CLTC: variants seen among roughly 807,000 people sequenced by gnomAD.
CLTC encodes the protein clathrin heavy chain 1.
A neutral mutation model predicts 195.8 loss-of-function variants in CLTC; 16 were observed. That is an observed-to-expected ratio of 0.08 (90% CI 0.06 to 0.12). The LOEUF is 0.12. Among genes scored for constraint, CLTC ranks in the 10% least tolerant of loss-of-function variants. CLTC has a pLI of 1.00. For synonymous variants in CLTC, 667 were observed against 689.4 expected, an observed-to-expected ratio of 0.97 and a Z score of 0.51; for missense variants, 796 against 2,027.0, an observed-to-expected ratio of 0.39 and a Z score of 11.66.
At position 59,644,344 on chromosome 17, in the gene CLTC, C is replaced by T. The variant is rs1567940251; in HGVS notation, c.111C>T (p.Phe37=). Residue 37 remains phenylalanine (F), a synonymous_variant, in exon 2 of 32, where the codon TTC becomes TTT. Coordinates refer to ENST00000269122, the MANE Select transcript of CLTC (RefSeq NM_004859.4). ...FSTLTMESDK[F]ICIREKVGEQ... is the part of the protein sequence containing the mutation. ...CCCTGACTATGGAGTCTGACAAATT[C>T]ATCTGCATTAGAGAAAAAGTAGGAG... The T allele has an allele frequency of 6.2e-7, 1 of 1,614,034 alleles. No homozygotes were observed. Among genetic ancestry groups the T allele is most frequent in the East Asian group, 2.2e-5 (1 of 44,876 alleles).
chr17:59,642,702 A>G (rs552652919), intron 1 of CLTC, among the ~76,000 whole-genome samples: 1 of 152,358 alleles, frequency 6.6e-6, no homozygotes, highest in African/African-American at 2.4e-5. Flanking sequence ...GCCTTGCATT[A>G]CAGCATATAC....
At chr17:59,673,596 G>C in intron 14 of CLTC, 51 bp from the exon 15 acceptor site, 1 of 1,428,674 alleles carries the variant, frequency 7.0e-7, no homozygotes. Flanking sequence ...ACACAGATTT[G>C]ATACCTCATA....
Position 59,685,498 on chromosome 17 carries a change from T to C in CLTC, c.4606-89T>C. ...TTTTTTCCCCTTGCAAAACCAGATT[T>C]ATATTGGAAAGTTTCCATTGTTTTT... is the stretch of plus-strand genomic sequence containing the variant. On this transcript the variant is annotated intron_variant, in intron 29 of 31. Coordinates refer to ENST00000269122, the MANE Select transcript of CLTC (RefSeq NM_004859.4). This position sits in a 1 kb window ranked among gnomAD's most constrained non-coding sequence, Gnocchi z 5.0. 1.7e-6 allele frequency: 2 copies of C among 1,203,744 alleles called. No individual in the cohort carries two copies. The highest frequency in any genetic ancestry group is 2.3e-6 in the Non-Finnish European group (2 of 853,412). 74.6% of individuals were successfully genotyped at this position (1,203,744 alleles called of 1,614,324 possible).
At chr17:59,663,172 T>G (rs987467877) in intron 8 of CLTC, among the ~76,000 whole-genome samples, 2 of 152,182 alleles carry the variant, frequency 1.3e-5, no homozygotes, top group African/African-American at 2.4e-5. Flanking sequence ...AAGTAGAAAA[T>G]CTACTATAGT....
intron 5 of CLTC, among the ~76,000 whole-genome samples, chr17:59,655,606 C>T (rs191024534): frequency 1.0e-3 from 152 of 152,296 alleles, no homozygotes; most frequent in African/African-American, 2.6e-3. Context: ...CCCTGTAATA[C>T]GTAAACTGTG....
intron 4 of CLTC, among the ~76,000 whole-genome samples, chr17:59,649,550 C>T (rs2032277710): frequency 6.6e-6 from 1 of 152,188 alleles, no homozygotes; most frequent in South Asian, 2.1e-4. Flanking sequence ...CTCTTGTTGT[C>T]CCATCAGGAA....
chr17:59,653,778 CT>C (rs562385929), intron 5 of CLTC, among the ~76,000 whole-genome samples: 401 of 142,504 alleles, frequency 2.8e-3, no homozygotes, highest in Middle Eastern at 3.6e-3. Context: ...CCTGGCTGGT[CT>C]TTTTTTTTTT....
intron 1 of CLTC, among the ~76,000 whole-genome samples, chr17:59,637,222 C>T (rs1439299026): frequency 1.3e-5 from 2 of 151,986 alleles, no homozygotes; most frequent in Non-Finnish European, 2.9e-5. Context: ...AAAGCTCATA[C>T]TGCTTTCAGT....
intron 8 of CLTC, among the ~76,000 whole-genome samples, chr17:59,662,739 A>G (rs2032638573): frequency 6.6e-6 from 1 of 152,236 alleles, no homozygotes; most frequent in African/African-American, 2.4e-5. Context: ...CTGATGAAGA[A>G]TAGCCACACT....
intron 2 of CLTC, 154 bp downstream of exon 2, chr17:59,644,637 A>C: frequency 3.2e-6 from 2 of 627,618 alleles, no homozygotes; most frequent in Non-Finnish European, 5.4e-6. Context: ...TGCAATCTCC[A>C]CCCCCCAGGT....
chr17:59,683,955 C>T lies in CLTC; in HGVS notation c.4404C>T (p.Asn1468=). 6.2e-7 allele frequency: 1 copy of T among 1,608,296 alleles called. No homozygotes were observed. Among genetic ancestry groups the T allele is most frequent in the Non-Finnish European group, 8.5e-7 (1 of 1,174,824 alleles). ...HNNKSVNESL[N]NLFITEEDYQ... is the part of the protein sequence containing the mutation. ...ACAAATCTGTGAATGAATCATTGAACAATCTTTTTATTACAGAAGAAGATT... is the reference window on the plus strand; with the variant it reads ...ACAAATCTGTGAATGAATCATTGAATAATCTTTTTATTACAGAAGAAGATT... The change falls in exon 28 of 32, where the codon AAC becomes AAT. Residue 1468 remains asparagine (N), a synonymous_variant. Coordinates refer to ENST00000269122, the MANE Select transcript of CLTC (RefSeq NM_004859.4). The surrounding 1 kb of genome is among the most constrained non-coding windows in gnomAD (Gnocchi z 6.1).
Position 59,696,618 on chromosome 17 carries a change from G to GTAAT in CLTC, c.*2769_*2772dup, listed in dbSNP as rs1259902041. ...TATTCTGGGTAACTGGTATAACATA[G>GTAAT]TAATTATTAGGATTGTATCAAGTGT... On this transcript the variant is annotated 3_prime_UTR_variant, in exon 32 of 32. Coordinates refer to ENST00000269122, the MANE Select transcript of CLTC (RefSeq NM_004859.4). 1 of 212,258 alleles carries GTAAT rather than the reference G, an allele frequency of 4.7e-6. No individual in the cohort carries two copies. Among genetic ancestry groups the GTAAT allele is most frequent in the African/African-American group, 2.3e-5 (1 of 44,096 alleles). 13.1% of individuals were successfully genotyped at this position (212,258 alleles called of 1,614,324 possible). A position where few individuals can be genotyped will look rare whatever the true frequency, so the allele number is the denominator to read the frequency against.
intron 1 of CLTC, among the ~76,000 whole-genome samples, chr17:59,635,249 T>C (rs574938197): frequency 6.6e-6 from 1 of 152,330 alleles, no homozygotes; most frequent in African/African-American, 2.4e-5. Context: ...ATCTGGAAAA[T>C]GTGAAGCCAA....
chr17:59,686,385 C>T (rs1322255012), intron 30 of CLTC, among the ~76,000 whole-genome samples: 3 of 152,092 alleles, frequency 2.0e-5, no homozygotes, highest in East Asian at 1.9e-4. Flanking sequence ...AATTTACTCA[C>T]CCTATCTTCA....
intron 1 of CLTC, among the ~76,000 whole-genome samples, chr17:59,620,643 G>A (rs1401599527): frequency 1.3e-5 from 2 of 150,066 alleles, no homozygotes; most frequent in African/African-American, 2.4e-5. Flanking sequence ...GGTTGGGGAG[G>A]AGCAACCTTT....
chr17:59,635,535 T>G (rs1042405628), intron 1 of CLTC, among the ~76,000 whole-genome samples: 4 of 152,190 alleles, frequency 2.6e-5, no homozygotes, highest in African/African-American at 9.7e-5. Context: ...ACAGATAGAT[T>G]ATGAATGATT....
rs752628740 is a variant in CLTC at position 59,682,261 on chromosome 17, C to T, written c.3443-10C>T. 4.4e-6 allele frequency: 7 copies of T among 1,603,512 alleles called. No homozygotes were observed. In the Admixed American group the frequency reaches 5.3e-5, roughly 12 times the overall value. ...GTGTTTGGATATATTTTTTCTTTTT[C>T]TATACTTAGGAAACTGGGAAGAACT... On this transcript the variant is annotated splice_polypyrimidine_tract_variant and intron_variant, in intron 21 of 31. Transcript: ENST00000269122. The surrounding 1 kb of genome is among the most constrained non-coding windows in gnomAD (Gnocchi z 6.8).
At position 59,681,565 on chromosome 17, in the gene CLTC, A is replaced by G. The variant is rs2033082013; in HGVS notation, c.3250-82A>G. The G allele has an allele frequency of 1.3e-6, 2 of 1,571,734 alleles. No individual in the cohort carries two copies. Among genetic ancestry groups the G allele is most frequent in the East Asian group, 2.3e-5 (1 of 44,426 alleles). ...TGGTTGCTACGGCAATAGAGCAGCA[A>G]TAAAATACTAACAGCTTAAATGTAA... On this transcript the variant is annotated intron_variant, in intron 20 of 31. Transcript: ENST00000269122. This position sits in a 1 kb window ranked among gnomAD's most constrained non-coding sequence, Gnocchi z 5.0.
rs2032731408 is a variant in CLTC at position 59,666,327 on chromosome 17, G to C, written c.1782+87G>C. On this transcript the variant is annotated intron_variant, in intron 11 of 31. Coordinates refer to ENST00000269122, the MANE Select transcript of CLTC (RefSeq NM_004859.4). The surrounding 1 kb of genome is among the most constrained non-coding windows in gnomAD (Gnocchi z 4.9). The stretch of plus-strand genomic sequence containing the variant: ...TCTCAGATTGTTATGCAAAGCTACT[G>C]AGGGGCCTACTCCTTATTAAAGAAA... The C allele has an allele frequency of 5.8e-6, 9 of 1,541,804 alleles. No homozygotes were observed. In the South Asian group the frequency reaches 1.0e-4, roughly 18 times the overall value.
Sources: gnomAD v4.1 joint callset for allele counts (sites outside exome capture counted in the v4.1 genomes callset) on GRCh38, gnomAD v4.1.1 for gene constraint, Gnocchi (gnomAD v3.1) non-coding constraint, MANE v1.5 for transcripts, NCBI Gene and HGNC (gene_info 2026-07-23, HGNC 2026-07-21) for gene names.